Variants in ITGA8 observed in about 807,000 individuals in gnomAD.
ITGA8 encodes the protein integrin alpha-8.
In ITGA8, 91 loss-of-function variants were observed where a neutral mutation model predicts 142.3. That is an observed-to-expected ratio of 0.64 (90% CI 0.54 to 0.76). The LOEUF is 0.76. Ranked by LOEUF, ITGA8 falls within the 30% of genes least tolerant of loss-of-function variation. The pLI is 0.00. For synonymous variants in ITGA8, 505 were observed against 485.2 expected (o/e 1.04, Z -0.54); for missense variants, 1,406 against 1,327.7 (o/e 1.06, Z -0.92).
At chr10:15,710,343 GC>G (rs1473480872) in intron 2 of ITGA8, among the ~76,000 whole-genome samples, 1 of 152,018 alleles carries the variant, frequency 6.6e-6, no homozygotes. Flanking sequence ...TTAATTGTGT[GC>G]TTTTATGCCC....
intron 12 of ITGA8, among the ~76,000 whole-genome samples, chr10:15,646,273 T>C (rs1833979203): frequency 6.6e-6 from 1 of 152,180 alleles, no homozygotes; most frequent in Non-Finnish European, 1.5e-5. Context: ...TAAACAGCAC[T>C]TATAAGTAGA....
chr10:15,641,188 G>A (rs1171928299), intron 13 of ITGA8, among the ~76,000 whole-genome samples: 1 of 152,158 alleles, frequency 6.6e-6, no homozygotes, highest in East Asian at 1.9e-4. Context: ...TGCGTAGCTG[G>A]GACTACAGGT....
intron 11 of ITGA8, among the ~76,000 whole-genome samples, chr10:15,650,903 G>C (rs1232622882): frequency 6.6e-6 from 1 of 151,916 alleles, no homozygotes; most frequent in African/African-American, 2.4e-5. Flanking sequence ...ACCTCTTTAT[G>C]GTTTAATTTT....
At chr10:15,637,223 T>C (rs911386846) in intron 13 of ITGA8, among the ~76,000 whole-genome samples, 1 of 152,250 alleles carries the variant, frequency 6.6e-6, no homozygotes, top group South Asian at 2.1e-4. Flanking sequence ...TGGCTCCACA[T>C]GACTGTCAGG....
chr10:15,544,310 A>AC (rs879472571), intron 27 of ITGA8, among the ~76,000 whole-genome samples: 15 of 150,284 alleles, frequency 1.0e-4, no homozygotes, highest in Admixed American at 2.6e-4. Flanking sequence ...CCAAAAAAAA[A>AC]CAAAACAAAA....
At chr10:15,707,961 GACACACACACACACACACAC>G (rs138462340) in intron 2 of ITGA8, among the ~76,000 whole-genome samples, 5 of 144,956 alleles carry the variant, frequency 3.4e-5, no homozygotes, top group South Asian at 2.3e-4. Context: ...TGCACACACC[GACACACACACACACACACAC>G]ACACACACAC....
At chr10:15,671,581 T>A in intron 8 of ITGA8, 22 bp downstream of exon 8, 7 of 1,601,308 alleles carry the variant, frequency 4.4e-6, no homozygotes, top group Non-Finnish European at 6.0e-6. Context: ...ATAAGTGATT[T>A]AAACTCAACA....
intron 21 of ITGA8, among the ~76,000 whole-genome samples, chr10:15,595,864 G>A (rs546282792): frequency 1.4e-4 from 21 of 152,208 alleles, no homozygotes; most frequent in South Asian, 6.2e-4. Context: ...CCAGGAGTTC[G>A]AGACCAGCCT....
chr10:15,662,241 ACT>A (rs1834301717), intron 8 of ITGA8, among the ~76,000 whole-genome samples: 2 of 151,510 alleles, frequency 1.3e-5, no homozygotes, highest in Non-Finnish European at 2.9e-5. Context: ...TTGAACTGTC[ACT>A]CAACTACAAA....
intron 8 of ITGA8, among the ~76,000 whole-genome samples, chr10:15,667,358 G>A (rs1834415718): frequency 1.3e-5 from 2 of 151,728 alleles, no homozygotes; most frequent in South Asian, 4.2e-4. Context: ...TGGTATCGGT[G>A]GTGATATCCC....
At chr10:15,658,958 C>T in intron 10 of ITGA8, 41 bp downstream of exon 10, 1 of 1,279,160 alleles carries the variant, frequency 7.8e-7, no homozygotes, top group Non-Finnish European at 1.1e-6. Context: ...CTACTGGTAA[C>T]CCAGAGTGAT....
intron 8 of ITGA8, among the ~76,000 whole-genome samples, chr10:15,671,111 A>C (rs1834507162): frequency 6.6e-6 from 1 of 152,228 alleles, no homozygotes. Flanking sequence ...AGCAAAGCAG[A>C]GAAGACAGGA....
intron 10 of ITGA8, among the ~76,000 whole-genome samples, chr10:15,658,502 TCACTC>T (rs1834227739): frequency 6.6e-6 from 1 of 150,418 alleles, no homozygotes; most frequent in Non-Finnish European, 1.5e-5. Context: ...ACTGTGGCCT[TCACTC>T]TGCTCTTCAC....
At chr10:15,687,463 TA>T (rs1834852586) in intron 3 of ITGA8, among the ~76,000 whole-genome samples, 1 of 152,196 alleles carries the variant, frequency 6.6e-6, no homozygotes, top group African/African-American at 2.4e-5. Flanking sequence ...GTTTTTACTT[TA>T]AAAAGTATTA....
At chr10:15,537,580 C>G (rs554320611) in intron 27 of ITGA8, among the ~76,000 whole-genome samples, 1 of 152,314 alleles carries the variant, frequency 6.6e-6, no homozygotes, top group African/African-American at 2.4e-5. Flanking sequence ...ATGTAACTTT[C>G]ACTCAATCAG....
At chr10:15,604,455 G>A (rs1417209288) in intron 19 of ITGA8, 100 bp from the exon 20 acceptor site, 2 of 930,366 alleles carry the variant, frequency 2.1e-6, no homozygotes, top group African/African-American at 1.7e-5. Flanking sequence ...AAAATGGCAA[G>A]TGCAAAAAAA....
chr10:15,547,942 A>C (rs1004142879), intron 27 of ITGA8, among the ~76,000 whole-genome samples: 1 of 152,214 alleles, frequency 6.6e-6, no homozygotes, highest in Non-Finnish European at 1.5e-5. Flanking sequence ...TTAGGGACTC[A>C]GGATGTTTAA....
chr10:15,583,792 A>G (rs1350750935), intron 23 of ITGA8, among the ~76,000 whole-genome samples: 3 of 152,180 alleles, frequency 2.0e-5, no homozygotes, highest in East Asian at 3.9e-4. Context: ...TGATGTCATA[A>G]CTTCTTCAAC....
intron 2 of ITGA8, among the ~76,000 whole-genome samples, chr10:15,716,435 C>T (rs1419138011): frequency 6.6e-6 from 1 of 152,176 alleles, no homozygotes; most frequent in Non-Finnish European, 1.5e-5. Flanking sequence ...TTGTCTTCTC[C>T]AAGTAACACT....
Sources: allele counts gnomAD v4.1 joint callset (sites outside exome capture counted in the v4.1 genomes callset), GRCh38; gene constraint gnomAD v4.1.1; transcripts MANE v1.5; gene names NCBI Gene and HGNC (gene_info 2026-07-23, HGNC 2026-07-21).